TAF4B: variants seen among roughly 807,000 people sequenced by gnomAD.
TAF4B encodes TATA-box binding protein associated factor 4b.
In TAF4B, 38 loss-of-function variants were observed where a neutral mutation model predicts 86.4. The ratio of observed to expected loss-of-function variants is 0.44; its 90% confidence interval spans 0.34 to 0.58. The LOEUF (loss-of-function observed/expected upper bound fraction) is 0.58. TAF4B is among the 20% of genes least tolerant of loss of function. The pLI is 0.02. For synonymous variants in TAF4B, 388 were observed against 391.2 expected (o/e 0.99, Z 0.10); for missense variants, 988 against 1,027.6 (o/e 0.96, Z 0.53).
chr18:26,366,556 T>C (rs2057373199), intron 14 of TAF4B: 1 of 152,336 alleles, frequency 6.6e-6, no homozygotes, highest in Admixed American at 6.5e-5. Context: ...AAGATAGTAC[T>C]GCTTAAAGCA....
intron 5 of TAF4B, 87 bp downstream of exon 5, chr18:26,275,140 T>G (rs934384468): frequency 1.6e-6 from 2 of 1,289,566 alleles, no homozygotes; most frequent in East Asian, 5.6e-5. Flanking sequence ...AAATGGGATT[T>G]ATTTAATTTA....
rs1301679782 is a variant in TAF4B at position 26,390,522 on chromosome 18, T to C, written c.*510T>C. On this transcript the variant is annotated 3_prime_UTR_variant, in exon 15 of 15. Transcript: ENST00000269142. ...TACGTGACAGGCCACTGTGGTGACT[T>C]TGGTCGGCTGAGTTCCAGTGTTGTC... 6.6e-6 allele frequency: 1 copy of C among 152,308 alleles called. No homozygotes were observed. The highest frequency in any genetic ancestry group is 2.4e-5 in the African/African-American group (1 of 41,442). The allele number at this position is 152,308 out of a possible 1,614,324, so 9.4% of individuals were successfully genotyped here.
chr18:26,292,410 A>G (rs375534471), intron 8 of TAF4B, 29 bp downstream of exon 8: 7 of 1,594,518 alleles, frequency 4.4e-6, no homozygotes, highest in African/African-American at 4.1e-5. Flanking sequence ...CAGTCCCATC[A>G]TGCTGGGTTA....
At position 26,332,446 on chromosome 18, in the gene TAF4B, CTTTTG is replaced by C. The variant is rs148199784; in HGVS notation, c.2260-2709_2260-2705del. 3.9e-5 allele frequency among the ~76,000 whole-genome samples: 6 copies of C among 151,904 alleles called. No homozygotes were observed. In the East Asian group the frequency reaches 5.8e-4, roughly 15 times the overall value. ...GCACCCTCTACAGAGTGGCCAGAGC[CTTTTG>C]TTTTGTTTTGTTTTGTTTTTTTTAA... On this transcript the variant is annotated intron_variant, in intron 12 of 14. Coordinates refer to ENST00000269142, the MANE Select transcript of TAF4B (RefSeq NM_005640.3).
chr18:26,317,722 G>A (rs564939361), intron 10 of TAF4B, among the ~76,000 whole-genome samples: 1 of 152,190 alleles, frequency 6.6e-6, no homozygotes, highest in South Asian at 2.1e-4. Context: ...TATTCAGACA[G>A]CCATCTTCTT....
intron 9 of TAF4B, among the ~76,000 whole-genome samples, chr18:26,294,974 T>C (rs2056643711): frequency 1.3e-5 from 2 of 150,010 alleles, no homozygotes; most frequent in South Asian, 4.2e-4. Context: ...TAAAAAACTT[T>C]TGCTCTGTGA....
At position 26,257,141 on chromosome 18, in the gene TAF4B, G is replaced by T. The variant is rs184677140; in HGVS notation, c.344-8029G>T. On this transcript the variant is annotated intron_variant, in intron 1 of 14. Coordinates refer to ENST00000269142, the MANE Select transcript of TAF4B (RefSeq NM_005640.3). ...GTTTTTTCAAGTGGTTGATTTCCTT[G>T]CTGCTTTTCTGTTTAGTTCTATTCT... 3.3e-5 allele frequency among the ~76,000 whole-genome samples: 5 copies of T among 152,186 alleles called. No individual in the cohort carries two copies. In the East Asian group the frequency reaches 7.7e-4, roughly 23 times the overall value.
At chr18:26,234,540 T>C (rs972728806) in intron 1 of TAF4B, among the ~76,000 whole-genome samples, 19 of 152,224 alleles carry the variant, frequency 1.2e-4, no homozygotes, top group Admixed American at 3.3e-4. Flanking sequence ...TGGGTGCTGG[T>C]CCCTGGGGGA....
At chr18:26,315,153 TCTCTCTCTCACACA>T (rs2056895650) in intron 9 of TAF4B, 62 bp from the exon 10 acceptor site, 3 of 467,156 alleles carry the variant, frequency 6.4e-6, no homozygotes, top group African/African-American at 3.0e-5. Context: ...TCTGTCTCTC[TCTCTCTCTCACACA>T]CACACACACA....
chr18:26,276,771 A>G (rs907109641), intron 5 of TAF4B, among the ~76,000 whole-genome samples: 1 of 152,210 alleles, frequency 6.6e-6, no homozygotes, highest in Admixed American at 6.5e-5. Flanking sequence ...GAAAGGGGAT[A>G]TGATGACTTG....
chr18:26,348,937 A>G (rs1052241866), intron 13 of TAF4B: 3 of 152,246 alleles, frequency 2.0e-5, no homozygotes, highest in Non-Finnish European at 2.9e-5. Context: ...CGGCCATACT[A>G]AAGAGAAACC....
chr18:26,276,878 G>A (rs1240298667), intron 5 of TAF4B, among the ~76,000 whole-genome samples: 7 of 151,954 alleles, frequency 4.6e-5, no homozygotes, highest in Non-Finnish European at 7.4e-5. Flanking sequence ...AAACATATGT[G>A]TGAATTTTAT....
intron 13 of TAF4B, among the ~76,000 whole-genome samples, chr18:26,345,013 A>G (rs924524763): frequency 4.6e-5 from 7 of 152,332 alleles, no homozygotes; most frequent in Middle Eastern, 3.4e-3. Context: ...AGTCCTTACT[A>G]CAGGAGAATC....
At chr18:26,364,636 CG>C (rs879680070) in intron 14 of TAF4B, among the ~76,000 whole-genome samples, 2 of 151,798 alleles carry the variant, frequency 1.3e-5, no homozygotes, top group African/African-American at 2.4e-5. Context: ...GATCCAGCAA[CG>C]TTTTTTTTTA....
intron 1 of TAF4B, among the ~76,000 whole-genome samples, chr18:26,246,590 G>A (rs1278111121): frequency 1.3e-5 from 2 of 151,762 alleles, no homozygotes; most frequent in African/African-American, 4.8e-5. Flanking sequence ...CTGGAGTGCA[G>A]TGGCGCGATC....
chr18:26,280,477 A>G (rs1051947732), intron 5 of TAF4B, among the ~76,000 whole-genome samples: 4 of 152,204 alleles, frequency 2.6e-5, no homozygotes, highest in Non-Finnish European at 4.4e-5. Context: ...AAAAAACCCC[A>G]TTAAAAAATA....
At chr18:26,235,729 G>T (rs1313891475) in intron 1 of TAF4B, among the ~76,000 whole-genome samples, 2 of 152,212 alleles carry the variant, frequency 1.3e-5, no homozygotes, top group Non-Finnish European at 1.5e-5. Flanking sequence ...GGGGAGTGCA[G>T]AAGAAGGCAT....
intron 1 of TAF4B, among the ~76,000 whole-genome samples, chr18:26,247,351 G>A (rs888949010): frequency 1.2e-4 from 18 of 152,190 alleles, no homozygotes; most frequent in African/African-American, 4.1e-4. Context: ...TACTTATGCA[G>A]CATTTGTTGA....
At chr18:26,350,259 A>G (rs2057234030) in intron 13 of TAF4B, among the ~76,000 whole-genome samples, 1 of 150,516 alleles carries the variant, frequency 6.6e-6, no homozygotes, top group African/African-American at 2.5e-5. Flanking sequence ...TCCACAGAGT[A>G]AAAAAAATAA....
Sources: gnomAD v4.1 joint callset for allele counts (sites outside exome capture counted in the v4.1 genomes callset) on GRCh38, gnomAD v4.1.1 for gene constraint, MANE v1.5 for transcripts, NCBI Gene and HGNC (gene_info 2026-07-23, HGNC 2026-07-21) for gene names.